The following FAM13A variants were observed in gnomAD, a reference collection of about 807,000 sequenced individuals.
The protein encoded by FAM13A is family with sequence similarity 13 member A.
FAM13A carries 76 observed loss-of-function variants against 129.6 expected under a neutral mutation model. The ratio of observed to expected loss-of-function variants is 0.59; its 90% confidence interval spans 0.49 to 0.71. The LOEUF (loss-of-function observed/expected upper bound fraction) is 0.71. Among genes scored for constraint, FAM13A ranks in the 30% least tolerant of loss-of-function variants. The probability of loss-of-function intolerance (pLI) is 0.00; values close to 1 mark genes in which losing one functional copy is unlikely to be tolerated. For synonymous variants in FAM13A, 443 were observed against 449.9 expected (o/e 0.98, Z 0.20); for missense variants, 1,108 against 1,249.3 (o/e 0.89, Z 1.70).
At chr4:88,938,519 A>G (rs1426473240) in intron 4 of FAM13A, among the ~76,000 whole-genome samples, 2 of 152,216 alleles carry the variant, frequency 1.3e-5, no homozygotes, top group East Asian at 3.8e-4. Context: ...AATATATTAA[A>G]AATTATTACA....
At chr4:88,873,908 G>A (rs959667202) in intron 6 of FAM13A, among the ~76,000 whole-genome samples, 11 of 152,128 alleles carry the variant, frequency 7.2e-5, no homozygotes, top group South Asian at 2.1e-4. Context: ...CTGGCAAACC[G>A]AATCCAGCAG....
At chr4:88,882,340 C>T (rs1743718799) in intron 6 of FAM13A, among the ~76,000 whole-genome samples, 2 of 152,048 alleles carry the variant, frequency 1.3e-5, no homozygotes, top group South Asian at 2.1e-4. Context: ...ACTGCTTAAA[C>T]AAAGTAATTA....
chr4:88,937,868 C>G, intron 5 of FAM13A: 1 of 570,538 alleles, frequency 1.8e-6, no homozygotes, highest in African/African-American at 1.9e-5. Context: ...GACTTTATAG[C>G]AACAAGAAAA....
At chr4:88,853,786 A>G (rs1048851850) in intron 6 of FAM13A, among the ~76,000 whole-genome samples, 98 of 152,320 alleles carry the variant, frequency 6.4e-4, no homozygotes, top group African/African-American at 2.2e-3. Context: ...GGTCGACACC[A>G]TCTAGTCAGC....
At chr4:89,050,709 C>G (rs1289790844) in intron 1 of FAM13A, among the ~76,000 whole-genome samples, 1 of 151,814 alleles carries the variant, frequency 6.6e-6, no homozygotes, top group African/African-American at 2.4e-5. Flanking sequence ...GGGTGGATCA[C>G]CTGAGGTCAG....
At chr4:88,766,648 T>C (rs1225201086) in intron 13 of FAM13A, among the ~76,000 whole-genome samples, 2 of 152,272 alleles carry the variant, frequency 1.3e-5, no homozygotes, top group African/African-American at 4.8e-5. Flanking sequence ...TAAAACTCCA[T>C]GGGGGAATAG....
intron 4 of FAM13A, among the ~76,000 whole-genome samples, chr4:88,964,633 C>CTTT (rs763599993): frequency 1.5e-5 from 2 of 135,670 alleles, no homozygotes; most frequent in Admixed American, 7.5e-5. Context: ...ACACTCTGCT[C>CTTT]TTTTTTTTTT....
chr4:89,039,130 T>C (rs910587347), intron 1 of FAM13A, among the ~76,000 whole-genome samples: 4 of 151,978 alleles, frequency 2.6e-5, no homozygotes, highest in Admixed American at 2.0e-4. Context: ...TTACAGTAAA[T>C]ACAAAAGCTA....
At chr4:88,886,144 G>GATCC (rs1292455561) in intron 6 of FAM13A, among the ~76,000 whole-genome samples, 1 of 152,210 alleles carries the variant, frequency 6.6e-6, no homozygotes, top group Admixed American at 6.5e-5. Context: ...TCTACCATTT[G>GATCC]ATCCAGCAAT....
intron 6 of FAM13A, among the ~76,000 whole-genome samples, chr4:88,882,011 G>A (rs370074416): frequency 1.5e-4 from 23 of 152,168 alleles, no homozygotes; most frequent in African/African-American, 5.5e-4. Context: ...AACCATAATT[G>A]TTGTTCCCGA....
chr4:88,928,430 T>C (rs1752544246), intron 5 of FAM13A, among the ~76,000 whole-genome samples: 1 of 152,104 alleles, frequency 6.6e-6, no homozygotes, highest in Non-Finnish European at 1.5e-5. Flanking sequence ...GCTGTCCCTA[T>C]TACTACTGTA....
chr4:88,921,891 G>A (rs1295056267), intron 5 of FAM13A, among the ~76,000 whole-genome samples: 1 of 151,834 alleles, frequency 6.6e-6, no homozygotes, highest in African/African-American at 2.4e-5. Flanking sequence ...AAAAGGCAGG[G>A]GTGGCAATCC....
At chr4:88,936,515 TAA>T (rs1419259537) in intron 5 of FAM13A, 1 of 152,220 alleles carries the variant, frequency 6.6e-6, no homozygotes, top group Non-Finnish European at 1.5e-5. Context: ...GGGATGGCAC[TAA>T]GTCATTCACG....
At chr4:88,857,510 T>C (rs1738727459) in intron 6 of FAM13A, among the ~76,000 whole-genome samples, 2 of 150,194 alleles carry the variant, frequency 1.3e-5, no homozygotes, top group South Asian at 2.1e-4. Flanking sequence ...ATGCCTGCAA[T>C]ACCAGCTACT....
At chr4:88,845,934 C>T (rs1736570531) in intron 7 of FAM13A, among the ~76,000 whole-genome samples, 1 of 151,900 alleles carries the variant, frequency 6.6e-6, no homozygotes, top group Non-Finnish European at 1.5e-5. Flanking sequence ...TTATGTTTCC[C>T]CCATTTATCT....
chr4:88,747,092 T>A, intron 18 of FAM13A, 77 bp from the exon 19 acceptor site: 1 of 1,014,540 alleles, frequency 9.9e-7, no homozygotes, highest in Non-Finnish European at 1.5e-6. Context: ...CTTAAATTAC[T>A]AAAGCAAGGC....
At chr4:89,007,275 G>A (rs901173677) in intron 3 of FAM13A, among the ~76,000 whole-genome samples, 1 of 152,272 alleles carries the variant, frequency 6.6e-6, no homozygotes, top group Non-Finnish European at 1.5e-5. Flanking sequence ...GATTCTATCT[G>A]TCTTCTAGAG....
chr4:88,917,095 A>G (rs1157528758), intron 5 of FAM13A, among the ~76,000 whole-genome samples: 1 of 152,104 alleles, frequency 6.6e-6, no homozygotes, highest in Non-Finnish European at 1.5e-5. Flanking sequence ...AATTTTTTCT[A>G]CTTTATTACT....
intron 1 of FAM13A, among the ~76,000 whole-genome samples, chr4:89,043,599 G>C (rs1446273194): frequency 1.3e-5 from 2 of 151,982 alleles, no homozygotes; most frequent in Non-Finnish European, 2.9e-5. Flanking sequence ...ATTTTTTTAA[G>C]TATAAAAAAG....
Sources: allele counts gnomAD v4.1 joint callset (sites outside exome capture counted in the v4.1 genomes callset), GRCh38; gene constraint gnomAD v4.1.1; transcripts MANE v1.5; gene names NCBI Gene and HGNC (gene_info 2026-07-23, HGNC 2026-07-21).